Variants in TENM4 observed in about 807,000 individuals in gnomAD.
The protein encoded by TENM4 is teneurin-4.
TENM4 carries 82 observed loss-of-function variants against 243.3 expected under a neutral mutation model. The observed-to-expected ratio is 0.34, with a 90% CI of 0.28 to 0.40. TENM4 has a LOEUF of 0.40. Ranked by LOEUF, TENM4 falls within the 10% of genes least tolerant of loss-of-function variation. The pLI, the probability that TENM4 is intolerant of heterozygous loss-of-function variation, is 1.00. For missense variants in TENM4, 3,138 were observed against 3,673.3 expected (o/e 0.85, Z 3.77); for synonymous variants, 1,412 against 1,456.3 (o/e 0.97, Z 0.69).
chr11:78,966,972 T>C (rs1857451055), intron 6 of TENM4, among the ~76,000 whole-genome samples: 1 of 152,196 alleles, frequency 6.6e-6, no homozygotes, highest in African/African-American at 2.4e-5. Context: ...CACAAAAGTT[T>C]TGCCTCTGAG....
At chr11:79,000,464 A>G (rs1350615384) in intron 6 of TENM4, among the ~76,000 whole-genome samples, 7 of 143,992 alleles carry the variant, frequency 4.9e-5, no homozygotes, top group South Asian at 2.2e-4. Context: ...ATATATATAT[A>G]TGTGTGACAA....
chr11:79,084,395 T>C (rs1860753521), intron 4 of TENM4, among the ~76,000 whole-genome samples: 2 of 152,220 alleles, frequency 1.3e-5, no homozygotes, highest in Non-Finnish European at 1.5e-5. Context: ...TAAAAGCTTA[T>C]GTTCATGCAA....
At chr11:78,984,338 A>G (rs1180066277) in intron 6 of TENM4, among the ~76,000 whole-genome samples, 2 of 152,166 alleles carry the variant, frequency 1.3e-5, no homozygotes, top group Non-Finnish European at 2.9e-5. Flanking sequence ...CCTTCTCTGA[A>G]GGGCTAGATA....
At chr11:78,661,704 C>G in intron 32 of TENM4, 113 bp from the exon 33 acceptor site, 1 of 1,379,608 alleles carries the variant, frequency 7.2e-7, no homozygotes, top group Non-Finnish European at 9.9e-7. Flanking sequence ...GTGTGGATTG[C>G]TGCTGGTGGG....
chr11:79,235,324 A>G (rs569940511), intron 2 of TENM4, among the ~76,000 whole-genome samples: 191 of 152,154 alleles, frequency 1.3e-3, no homozygotes, highest in African/African-American at 4.3e-3. Context: ...CCAAAAAAAA[A>G]TGAAGTCTCC....
intron 3 of TENM4, among the ~76,000 whole-genome samples, chr11:79,196,388 G>C (rs1269636154): frequency 6.6e-6 from 1 of 151,686 alleles, no homozygotes; most frequent in Non-Finnish European, 1.5e-5. Flanking sequence ...TTGTTGAGAA[G>C]ATCAAATGGG....
At chr11:79,284,217 T>C (rs1856209038) in intron 2 of TENM4, among the ~76,000 whole-genome samples, 1 of 152,192 alleles carries the variant, frequency 6.6e-6, no homozygotes, top group Non-Finnish European at 1.5e-5. Flanking sequence ...TCCTGAACTT[T>C]ATATGGAAAT....
intron 6 of TENM4, among the ~76,000 whole-genome samples, chr11:79,030,683 C>G (rs150148178): frequency 6.6e-6 from 1 of 152,296 alleles, no homozygotes; most frequent in East Asian, 1.9e-4. Context: ...GCCCCGTATC[C>G]TTCCACAATC....
At chr11:79,312,336 T>A (rs1284935426) in intron 1 of TENM4, among the ~76,000 whole-genome samples, 1 of 152,246 alleles carries the variant, frequency 6.6e-6, no homozygotes, top group Non-Finnish European at 1.5e-5. Context: ...AATATTTGCC[T>A]GATTCATAAA....
rs142890809 is a variant in TENM4, at chr11:78,870,708, C to G, written c.1085-7576G>C. Among the ~76,000 whole-genome samples the G allele has an allele frequency of 2.6e-5, 4 of 152,174 alleles. No homozygotes were observed. The East Asian group carries it at 7.7e-4, about 29-fold the overall frequency. ...TCAGCAAGGATTCATGGGTGCTGCT[C>G]AATGTTTCTTTAAATCATGGCGGAG... On this transcript the variant is annotated intron_variant, in intron 9 of 33. Coordinates refer to ENST00000278550, the MANE Select transcript of TENM4 (RefSeq NM_001098816.3).
chr11:78,838,834 C>T (rs1279716996), intron 12 of TENM4, among the ~76,000 whole-genome samples: 4 of 152,186 alleles, frequency 2.6e-5, no homozygotes, highest in African/African-American at 7.2e-5. Context: ...TGGGCCAACA[C>T]TGCAGGCTAA....
intron 6 of TENM4, among the ~76,000 whole-genome samples, chr11:78,922,352 A>G (rs758053204): frequency 2.0e-5 from 3 of 152,212 alleles, no homozygotes; most frequent in Non-Finnish European, 4.4e-5. Flanking sequence ...CTTTATGATG[A>G]CAATTCTCTT....
chr11:78,959,888 C>T (rs186001776), intron 6 of TENM4, among the ~76,000 whole-genome samples: 3 of 152,238 alleles, frequency 2.0e-5, no homozygotes, highest in East Asian at 1.9e-4. Context: ...TTCTCTTCTA[C>T]GTGTAAGGCT....
chr11:78,851,501 TTTGA>T (rs1276002857), intron 12 of TENM4, among the ~76,000 whole-genome samples: 1 of 152,212 alleles, frequency 6.6e-6, no homozygotes, highest in African/African-American at 2.4e-5. Flanking sequence ...TCTTCTGGGG[TTTGA>T]TTAATATCCT....
At chr11:78,675,183 C>G (rs987264499) in intron 30 of TENM4, among the ~76,000 whole-genome samples, 1 of 152,124 alleles carries the variant, frequency 6.6e-6, no homozygotes, top group Admixed American at 6.5e-5. Context: ...CTAGTCTTTA[C>G]CACCACCTCG....
At chr11:78,751,156 C>T (rs948419973) in intron 19 of TENM4, among the ~76,000 whole-genome samples, 18 of 152,188 alleles carry the variant, frequency 1.2e-4, no homozygotes, top group African/African-American at 4.1e-4. Context: ...GCTGGGATTA[C>T]AGGCGTGAGC....
At chr11:78,837,060 C>T (rs1858134490) in intron 12 of TENM4, among the ~76,000 whole-genome samples, 1 of 152,118 alleles carries the variant, frequency 6.6e-6, no homozygotes, top group Non-Finnish European at 1.5e-5. Flanking sequence ...AAAATCCTAG[C>T]TCTTAGAGGT....
intron 6 of TENM4, among the ~76,000 whole-genome samples, chr11:78,945,956 GA>G (rs1469544678): frequency 6.6e-6 from 1 of 152,206 alleles, no homozygotes; most frequent in Non-Finnish European, 1.5e-5. Flanking sequence ...TTTAAGGAAA[GA>G]AGCAGCCTCC....
rs1861976626 is a variant in TENM4, at chr11:79,130,370, G to A, written c.-66+18340C>T. 3.3e-5 allele frequency among the ~76,000 whole-genome samples: 5 copies of A among 151,964 alleles called. No homozygotes were observed. In the South Asian group the frequency reaches 1.0e-3, roughly 32 times the overall value. ...AAATCACACGAGTTCACTAGCAATG[G>A]ATCTAAACCAAGAAGAAATCCCTGA... On this transcript the variant is annotated intron_variant, in intron 4 of 33. Transcript: ENST00000278550.
Sources: gnomAD v4.1 joint callset for allele counts (sites outside exome capture counted in the v4.1 genomes callset) on GRCh38, gnomAD v4.1.1 for gene constraint, MANE v1.5 for transcripts, NCBI Gene and HGNC (gene_info 2026-07-23, HGNC 2026-07-21) for gene names.